The following OPRD1 variants were observed in gnomAD, a reference collection of about 807,000 sequenced individuals.
OPRD1 encodes opioid receptor delta 1.
A neutral mutation model predicts 17.5 loss-of-function variants in OPRD1; 19 were observed. That is an observed-to-expected ratio of 1.09 (90% CI 0.76 to 1.60). The LOEUF (loss-of-function observed/expected upper bound fraction) is 1.60, where lower values mean the gene tolerates loss of function less well. OPRD1 is among the 40% of genes most tolerant of loss of function. The probability of loss-of-function intolerance (pLI) is 0.00; values close to 1 mark genes in which losing one functional copy is unlikely to be tolerated. For synonymous variants in OPRD1, 256 were observed against 240.9 expected (o/e 1.06, Z -0.58); for missense variants, 483 against 547.2 (o/e 0.88, Z 1.17).
Position 28,863,078 on chromosome 1 carries a change from C to T in OPRD1, c.914C>T (p.Ala305Val), listed in dbSNP as rs766428641. Reference sequence around the variant, plus strand: ...GTGGCTGCGCTGCACCTGTGCATCGCGCTGGGCTACGCCAATAGCAGCCTC... The same window carrying T: ...GTGGCTGCGCTGCACCTGTGCATCGTGCTGGGCTACGCCAATAGCAGCCTC... ...LVVAALHLCI[A>V]LGYANSSLNP... Residue 305 changes from alanine to valine, a missense_variant, in exon 3 of 3, where the codon GCG becomes GTG. Physicochemically the swap from Ala to Val is moderately conservative, Grantham distance 64. Coordinates refer to ENST00000234961, the MANE Select transcript of OPRD1 (RefSeq NM_000911.4). The T allele has an allele frequency of 6.2e-7, 1 of 1,607,746 alleles. No individual in the cohort carries two copies. Among genetic ancestry groups the T allele is most frequent in the South Asian group, 1.1e-5 (1 of 90,402 alleles).
chr1:28,863,103 C>G lies in OPRD1; in HGVS notation c.939C>G (p.Leu313=). The change falls in exon 3 of 3, where the codon CTC becomes CTG. Residue 313 remains leucine (L), a synonymous_variant. Coordinates refer to ENST00000234961, the MANE Select transcript of OPRD1 (RefSeq NM_000911.4). ...CGCTGGGCTACGCCAATAGCAGCCT[C>G]AACCCCGTGCTCTACGCTTTCCTCG... ...CIALGYANSS[L]NPVLYAFLDE... is the part of the protein sequence containing the mutation. 6.2e-7 allele frequency: 1 copy of G among 1,610,308 alleles called. No homozygotes were observed. Among genetic ancestry groups the G allele is most frequent in the South Asian group, 1.1e-5 (1 of 90,760 alleles).
At chr1:28,813,134 G>C (rs2088646370) in intron 1 of OPRD1, among the ~76,000 whole-genome samples, 1 of 152,220 alleles carries the variant, frequency 6.6e-6, no homozygotes, top group African/African-American at 2.4e-5. Flanking sequence ...CTGTTGGTGT[G>C]AGCTTGTCCC....
Position 28,812,279 on chromosome 1 carries a change from C to G in OPRD1, c.-105C>G. On this transcript the variant is annotated 5_prime_UTR_variant, in exon 1 of 3. Transcript: ENST00000234961. Reference sequence around the variant, plus strand: ...AGCGGGGCGGCCGGGGCGCGGCAGCCGGCGGCGTCGGGGCCGCGGCCTCTG... The same window carrying G: ...AGCGGGGCGGCCGGGGCGCGGCAGCGGGCGGCGTCGGGGCCGCGGCCTCTG... 1 of 717,510 alleles carries G rather than the reference C, an allele frequency of 1.4e-6. No homozygotes were observed. Among genetic ancestry groups the G allele is most frequent in the Non-Finnish European group, 1.9e-6 (1 of 540,386 alleles). The allele number at this position is 717,510 out of a possible 1,614,324, so 44.4% of individuals were successfully genotyped here.
Position 28,845,220 on chromosome 1 carries a change from A to G in OPRD1, c.228-13734A>G, listed in dbSNP as rs768397894. On this transcript the variant is annotated intron_variant, in intron 1 of 2. Coordinates refer to ENST00000234961, the MANE Select transcript of OPRD1 (RefSeq NM_000911.4). ...TAGCTGGGGCCAGGCACGGTGGCTC[A>G]TGCCTGTAATCCCAGCTCTTTGGGA... is the stretch of plus-strand genomic sequence containing the variant. Among the ~76,000 whole-genome samples, 121 of 152,188 alleles carry G rather than the reference A, an allele frequency of 8.0e-4. No individual in the cohort carries two copies. In the Middle Eastern group the frequency reaches 0.017, roughly 21 times the overall value.
At chr1:28,851,777 G>C (rs1305421898) in intron 1 of OPRD1, among the ~76,000 whole-genome samples, 1 of 150,624 alleles carries the variant, frequency 6.6e-6, no homozygotes, top group East Asian at 2.0e-4. Flanking sequence ...AGGCTGAGGC[G>C]GGAAAATTGC....
intron 1 of OPRD1, among the ~76,000 whole-genome samples, chr1:28,832,310 G>A (rs1326463538): frequency 6.6e-6 from 1 of 152,098 alleles, no homozygotes; most frequent in African/African-American, 2.4e-5. Context: ...CAGAGAGATG[G>A]CATAAGAAGT....
chr1:28,855,857 A>G (rs1408931866), intron 1 of OPRD1, among the ~76,000 whole-genome samples: 1 of 152,242 alleles, frequency 6.6e-6, no homozygotes, highest in East Asian at 1.9e-4. Flanking sequence ...ATTCTGCTGT[A>G]TCTGAGCAAA....
At chr1:28,844,675 A>G (rs1222208540) in intron 1 of OPRD1, among the ~76,000 whole-genome samples, 3 of 152,064 alleles carry the variant, frequency 2.0e-5, no homozygotes, top group Non-Finnish European at 4.4e-5. Context: ...CCCTTATCAG[A>G]TATGTGATTT....
At chr1:28,857,443 A>G (rs1178726117) in intron 1 of OPRD1, among the ~76,000 whole-genome samples, 2 of 151,988 alleles carry the variant, frequency 1.3e-5, no homozygotes, top group Non-Finnish European at 2.9e-5. Context: ...TTCAGAAGAT[A>G]AGTATTTTTC....
intron 1 of OPRD1, among the ~76,000 whole-genome samples, chr1:28,838,707 G>T (rs1459522444): frequency 6.6e-6 from 1 of 152,130 alleles, no homozygotes; most frequent in African/African-American, 2.4e-5. Context: ...AACATGGCAG[G>T]CATTACCTCA....
At position 28,863,166 on chromosome 1, in the gene OPRD1, C is replaced by T. The variant is rs1482708035; in HGVS notation, c.1002C>T (p.Arg334=). Residue 334 remains arginine, a synonymous_variant, in exon 3 of 3, where the codon CGC becomes CGT. Coordinates refer to ENST00000234961, the MANE Select transcript of OPRD1 (RefSeq NM_000911.4). ...AGCGCTGCTTCCGCCAGCTCTGCCG[C>T]AAGCCCTGCGGCCGCCCAGACCCCA... ...NFKRCFRQLC[R]KPCGRPDPSS... The T allele has an allele frequency of 2.5e-6, 4 of 1,602,898 alleles. No individual in the cohort carries two copies. Among genetic ancestry groups the T allele is most frequent in the Non-Finnish European group, 3.4e-6 (4 of 1,178,094 alleles).
chr1:28,823,905 C>T (rs1428062754), intron 1 of OPRD1, among the ~76,000 whole-genome samples: 1 of 150,036 alleles, frequency 6.7e-6, no homozygotes, highest in East Asian at 2.0e-4. Context: ...AGGCCGGGTG[C>T]GGTGGCTAAC....
chr1:28,846,895 C>CTTTCTTTCTCTT (rs1319487675), intron 1 of OPRD1, among the ~76,000 whole-genome samples: 14 of 34,014 alleles, frequency 4.1e-4, no homozygotes, highest in African/African-American at 7.6e-4. Context: ...TCTTTCTTTT[C>CTTTCTTTCTCTT]TCTTTCTTTC....
chr1:28,832,895 G>A (rs2088821132), intron 1 of OPRD1, among the ~76,000 whole-genome samples: 1 of 152,140 alleles, frequency 6.6e-6, no homozygotes, highest in Non-Finnish European at 1.5e-5. Flanking sequence ...GAGCTGGGTG[G>A]GTACAGGTTA....
chr1:28,841,948 T>G (rs2088900050), intron 1 of OPRD1, among the ~76,000 whole-genome samples: 1 of 151,488 alleles, frequency 6.6e-6, no homozygotes, highest in Non-Finnish European at 1.5e-5. Context: ...GGTCTTGAAC[T>G]CCTGGCCTCA....
intron 1 of OPRD1, among the ~76,000 whole-genome samples, chr1:28,843,690 G>A (rs1035017025): frequency 2.0e-5 from 3 of 151,552 alleles, no homozygotes; most frequent in African/African-American, 7.3e-5. Context: ...GTGTGATCTC[G>A]GCTTACTGCA....
chr1:28,844,169 T>G (rs1004780974), intron 1 of OPRD1, among the ~76,000 whole-genome samples: 1 of 152,112 alleles, frequency 6.6e-6, no homozygotes, highest in South Asian at 2.1e-4. Context: ...TTTCTGTTTT[T>G]TTTTTTTTTT....
At chr1:28,836,699 T>G (rs1234126286) in intron 1 of OPRD1, among the ~76,000 whole-genome samples, 1 of 152,064 alleles carries the variant, frequency 6.6e-6, no homozygotes, top group Admixed American at 6.6e-5. Context: ...CACATGGCCA[T>G]GTATGTCTCT....
At chr1:28,812,705 C>T (rs1230488778) in intron 1 of OPRD1, 95 bp downstream of exon 1, 2 of 1,136,668 alleles carry the variant, frequency 1.8e-6, no homozygotes, top group Non-Finnish European at 2.3e-6. Flanking sequence ...CTGGACTCCC[C>T]GCGCCTCCGC....
Sources: gnomAD v4.1 joint callset for allele counts (sites outside exome capture counted in the v4.1 genomes callset) on GRCh38, gnomAD v4.1.1 for gene constraint, MANE v1.5 for transcripts, NCBI Gene and HGNC (gene_info 2026-07-23, HGNC 2026-07-21) for gene names.